CTNNA3: variants seen among roughly 807,000 people sequenced by gnomAD.
The protein encoded by CTNNA3 is catenin alpha 3, also known as catenin alpha-3.
A neutral mutation model predicts 95.7 loss-of-function variants in CTNNA3; 76 were observed. That is an observed-to-expected ratio of 0.79 (90% CI 0.66 to 0.96). The LOEUF is 0.96. CTNNA3 is among the 40% of genes least tolerant of loss of function. The pLI is 0.00. For missense variants in CTNNA3, 1,191 were observed against 1,089.8 expected, an observed-to-expected ratio of 1.09 and a Z score of -1.31; for synonymous variants, 431 against 374.4, an observed-to-expected ratio of 1.15 and a Z score of -1.74.
At chr10:66,483,879 A>G (rs1839630608) in intron 11 of CTNNA3, among the ~76,000 whole-genome samples, 1 of 152,140 alleles carries the variant, frequency 6.6e-6, no homozygotes, top group South Asian at 2.1e-4. Context: ...AAGAGAAAAA[A>G]ACTTAAAAAA....
At chr10:67,422,786 A>G (rs1845791980) in intron 5 of CTNNA3, among the ~76,000 whole-genome samples, 1 of 152,132 alleles carries the variant, frequency 6.6e-6, no homozygotes, top group South Asian at 2.1e-4. Context: ...CTTCCTGTAC[A>G]GCCTGTGGAA....
chr10:66,958,677 CAT>C (rs780667833), intron 7 of CTNNA3, among the ~76,000 whole-genome samples: 5 of 152,082 alleles, frequency 3.3e-5, no homozygotes, highest in Non-Finnish European at 7.4e-5. Context: ...GCCAATAACA[CAT>C]GTTAAAATTC....
Position 67,301,674 on chromosome 10 carries a change from A to G in CTNNA3, c.580-81804T>C, listed in dbSNP as rs56979915. Among the ~76,000 whole-genome samples the G allele has an allele frequency of 0.011, 1,607 of 152,290 alleles. 94 individuals carry two copies. In the East Asian group the frequency reaches 0.18, roughly 17 times the overall value. On this transcript the variant is annotated intron_variant, in intron 5 of 17. Transcript: ENST00000433211. ...AAGGAATGCAATTTTGCCTTTAAAC[A>G]TAAGAAAATCCTGGCTGGGCATGGT...
chr10:66,072,177 C>T (rs1288337711), intron 14 of CTNNA3, among the ~76,000 whole-genome samples: 1 of 152,068 alleles, frequency 6.6e-6, no homozygotes, highest in East Asian at 1.9e-4. Context: ...TTTCACATGC[C>T]ACAAATATTA....
chr10:67,285,283 C>T (rs188554425), intron 5 of CTNNA3, among the ~76,000 whole-genome samples: 1 of 152,194 alleles, frequency 6.6e-6, no homozygotes, highest in Admixed American at 6.5e-5. Flanking sequence ...TCCTTTACAG[C>T]ATTGCAGAGC....
intron 17 of CTNNA3, among the ~76,000 whole-genome samples, chr10:65,949,028 A>G (rs566137191): frequency 1.3e-5 from 2 of 152,194 alleles, no homozygotes; most frequent in South Asian, 2.1e-4. Context: ...GATTTCTGAA[A>G]CTGTTGTAAT....
chr10:66,143,999 TC>T (rs1316926442), intron 13 of CTNNA3, among the ~76,000 whole-genome samples: 1 of 152,242 alleles, frequency 6.6e-6, no homozygotes, highest in Admixed American at 6.5e-5. Context: ...TGTACTGTTT[TC>T]CCCCATGGGA....
At chr10:66,184,963 G>A (rs2086253006) in intron 13 of CTNNA3, among the ~76,000 whole-genome samples, 1 of 152,252 alleles carries the variant, frequency 6.6e-6, no homozygotes, top group Non-Finnish European at 1.5e-5. Context: ...TTAGACTGTT[G>A]TTGAATATTC....
chr10:67,670,503 A>G (rs1380764493), intron 1 of CTNNA3, among the ~76,000 whole-genome samples: 1 of 152,230 alleles, frequency 6.6e-6, no homozygotes, highest in African/African-American at 2.4e-5. Flanking sequence ...CAAAAGAATG[A>G]AGCTTATCAC....
At chr10:67,216,563 A>G (rs1042968349) in intron 6 of CTNNA3, among the ~76,000 whole-genome samples, 1 of 152,216 alleles carries the variant, frequency 6.6e-6, no homozygotes, top group Non-Finnish European at 1.5e-5. Context: ...CCTAGCACTT[A>G]CTACATTTAG....
intron 12 of CTNNA3, among the ~76,000 whole-genome samples, chr10:66,360,987 C>T (rs1589140154): frequency 6.7e-6 from 1 of 150,210 alleles, no homozygotes; most frequent in Admixed American, 6.7e-5. Flanking sequence ...GATGGAGTCT[C>T]ACTCCATCAC....
chr10:67,115,292 A>G (rs944149546), intron 7 of CTNNA3, among the ~76,000 whole-genome samples: 1 of 149,254 alleles, frequency 6.7e-6, no homozygotes, highest in African/African-American at 2.5e-5. Flanking sequence ...TTCTGGAAGC[A>G]TGCTGTAGAT....
intron 6 of CTNNA3, among the ~76,000 whole-genome samples, chr10:67,201,524 T>A (rs1160171527): frequency 6.6e-6 from 1 of 152,190 alleles, no homozygotes; most frequent in East Asian, 1.9e-4. Context: ...TTTTTCCTTT[T>A]ACTCTGAAGC....
At chr10:66,818,441 A>G (rs896703810) in intron 7 of CTNNA3, among the ~76,000 whole-genome samples, 1 of 152,236 alleles carries the variant, frequency 6.6e-6, no homozygotes, top group African/African-American at 2.4e-5. Context: ...TGTAAGATCA[A>G]TATGTGAAAA....
chr10:67,511,410 G>A (rs1839623514), intron 5 of CTNNA3, among the ~76,000 whole-genome samples: 1 of 152,204 alleles, frequency 6.6e-6, no homozygotes, highest in Non-Finnish European at 1.5e-5. Flanking sequence ...CATGAAGGCT[G>A]TTGAATTTTG....
intron 14 of CTNNA3, among the ~76,000 whole-genome samples, chr10:66,078,610 T>C (rs1197516021): frequency 6.6e-6 from 1 of 151,922 alleles, no homozygotes; most frequent in Non-Finnish European, 1.5e-5. Flanking sequence ...GAAATGCCCA[T>C]TACAAAAATA....
intron 5 of CTNNA3, among the ~76,000 whole-genome samples, chr10:67,351,581 C>T (rs1398538984): frequency 6.6e-6 from 1 of 151,918 alleles, no homozygotes; most frequent in African/African-American, 2.4e-5. Context: ...AGTAGTTGGC[C>T]AGCGTGTTGT....
chr10:67,730,125 C>T (rs1161233793), intron 1 of CTNNA3, among the ~76,000 whole-genome samples: 1 of 152,118 alleles, frequency 6.6e-6, no homozygotes, highest in African/African-American at 2.4e-5. Context: ...TGTGGAGGGA[C>T]AATCTCAGTC....
chr10:67,288,409 CA>C (rs1426273770), intron 5 of CTNNA3, among the ~76,000 whole-genome samples: 1 of 152,098 alleles, frequency 6.6e-6, no homozygotes, highest in African/African-American at 2.4e-5. Context: ...CATTTATTAC[CA>C]ATGCAACCAA....
Sources: allele counts gnomAD v4.1 joint callset (sites outside exome capture counted in the v4.1 genomes callset), GRCh38; gene constraint gnomAD v4.1.1; transcripts MANE v1.5; gene names NCBI Gene and HGNC (gene_info 2026-07-23, HGNC 2026-07-21).